The following CNBD1 variants were observed in gnomAD, a reference collection of about 807,000 sequenced individuals.
The protein encoded by CNBD1 is cyclic nucleotide-binding domain-containing protein 1.
A neutral mutation model predicts 54.4 loss-of-function variants in CNBD1; 71 were observed. The observed-to-expected ratio is 1.30, with a 90% CI of 1.08 to 1.59. The LOEUF (loss-of-function observed/expected upper bound fraction) is 1.59, where lower values mean the gene tolerates loss of function less well. Ranked by LOEUF, CNBD1 falls within the 40% of genes most tolerant of loss-of-function variation. The pLI is 0.00. For missense variants in CNBD1, 659 were observed against 518.0 expected, an observed-to-expected ratio of 1.27 and a Z score of -2.64; for synonymous variants, 182 against 170.7, an observed-to-expected ratio of 1.07 and a Z score of -0.51.
intron 2 of CNBD1, among the ~76,000 whole-genome samples, chr8:86,904,613 A>C (rs1005056210): frequency 2.0e-5 from 3 of 152,084 alleles, no homozygotes; most frequent in Admixed American, 2.0e-4. Flanking sequence ...CAGTGATCTG[A>C]ATTTGGAAAA....
chr8:87,342,127 G>T (rs867699295), intron 8 of CNBD1, among the ~76,000 whole-genome samples: 1 of 152,060 alleles, frequency 6.6e-6, no homozygotes, highest in Non-Finnish European at 1.5e-5. Context: ...CAAAAAATTA[G>T]CCGGGCATGG....
chr8:86,958,338 C>T (rs1050863581), intron 4 of CNBD1, among the ~76,000 whole-genome samples: 6 of 152,298 alleles, frequency 3.9e-5, no homozygotes, highest in African/African-American at 1.4e-4. Flanking sequence ...CTGTAGGTGT[C>T]TATTAGGTCC....
intron 5 of CNBD1, among the ~76,000 whole-genome samples, chr8:87,221,738 A>G (rs1814343993): frequency 6.6e-6 from 1 of 152,144 alleles, no homozygotes; most frequent in Non-Finnish European, 1.5e-5. Context: ...CAATATTTGA[A>G]GGCTATTTCA....
chr8:86,952,770 T>C (rs546538642), intron 4 of CNBD1, among the ~76,000 whole-genome samples: 38 of 152,286 alleles, frequency 2.5e-4, no homozygotes, highest in African/African-American at 8.9e-4. Context: ...TTGACACGTG[T>C]AAATCTGTGG....
chr8:87,369,768 C>A (rs1184776220), intron 10 of CNBD1, among the ~76,000 whole-genome samples: 1 of 151,724 alleles, frequency 6.6e-6, no homozygotes, highest in Non-Finnish European at 1.5e-5. Flanking sequence ...GGTACATGTG[C>A]ACAATGTGCC....
At chr8:86,942,137 T>C (rs907834640) in intron 4 of CNBD1, among the ~76,000 whole-genome samples, 2 of 152,222 alleles carry the variant, frequency 1.3e-5, no homozygotes, top group Non-Finnish European at 2.9e-5. Flanking sequence ...TGTGATTTAA[T>C]CCTCACATCA....
intron 4 of CNBD1, among the ~76,000 whole-genome samples, chr8:87,130,063 G>C (rs929878959): frequency 6.6e-6 from 1 of 152,044 alleles, no homozygotes; most frequent in Non-Finnish European, 1.5e-5. Context: ...ACTATCATGA[G>C]AGCAGCACAG....
chr8:86,878,650 G>T (rs1808561498), intron 1 of CNBD1, among the ~76,000 whole-genome samples: 2 of 152,000 alleles, frequency 1.3e-5, no homozygotes. Context: ...ACTGGTTCAA[G>T]GATATCCCCT....
chr8:87,364,225 C>G (rs1810589272), intron 10 of CNBD1, among the ~76,000 whole-genome samples: 1 of 150,762 alleles, frequency 6.6e-6, no homozygotes, highest in South Asian at 2.1e-4. Flanking sequence ...TTATAAGTAT[C>G]TATATATATG....
In CNBD1 at chr8:86,939,730, A is replaced by C; in HGVS notation, c.407A>C (p.Glu136Ala). 4 of 1,575,130 alleles carry C rather than the reference A, an allele frequency of 2.5e-6. No homozygotes were observed. Among genetic ancestry groups the C allele is most frequent in the Non-Finnish European group, 3.5e-6 (4 of 1,158,426 alleles). ...RPKRATEKFE[E>A]FLAILKKLPI... ...AAAAGAGCCACAGAGAAATTTGAAG[A>C]ATTCCTAGCTATCTTAAAGAAATTG... Residue 136 changes from glutamate (E) to alanine (A), a missense_variant, in exon 4 of 11, where the codon GAA (glutamate) becomes GCA (alanine). Transcript: ENST00000518476.
intron 5 of CNBD1, among the ~76,000 whole-genome samples, chr8:87,232,104 A>G (rs1312312603): frequency 1.3e-5 from 2 of 152,184 alleles, no homozygotes; most frequent in Non-Finnish European, 2.9e-5. Flanking sequence ...ATGAATCAAT[A>G]GTTCATTCCT....
At chr8:87,092,344 A>AGTGTGTGT (rs113453662) in intron 4 of CNBD1, among the ~76,000 whole-genome samples, 2 of 143,118 alleles carry the variant, frequency 1.4e-5, no homozygotes, top group Admixed American at 7.0e-5. Flanking sequence ...ATACTGGCTC[A>AGTGTGTGT]GTGTGTGTGT....
chr8:87,011,702 TTTC>T (rs1215647712), intron 4 of CNBD1, among the ~76,000 whole-genome samples: 27 of 152,136 alleles, frequency 1.8e-4, no homozygotes, highest in African/African-American at 6.5e-4. Flanking sequence ...AAGAACACAT[TTTC>T]TTCTTTTCTA....
At chr8:87,118,692 G>A (rs570903254) in intron 4 of CNBD1, among the ~76,000 whole-genome samples, 1 of 152,094 alleles carries the variant, frequency 6.6e-6, no homozygotes, top group African/African-American at 2.4e-5. Flanking sequence ...TCAAATGAAC[G>A]TTCGTTATAT....
rs771338208 is a variant in CNBD1 at position 87,257,369 on chromosome 8, C to CAAAAAAA, written c.771+20267_771+20273dup. On this transcript the variant is annotated intron_variant, in intron 6 of 10. Coordinates refer to ENST00000518476, the MANE Select transcript of CNBD1 (RefSeq NM_173538.3). ...GGGCAACAAGAGCAAAACTCTATCGCAAAAAAAAAAAAAAAAGGAAATGAC... is the reference window on the plus strand; with the variant it reads ...GGGCAACAAGAGCAAAACTCTATCGCAAAAAAAAAAAAAAAAAAAAAAAGGAAATGAC... Among the ~76,000 whole-genome samples the CAAAAAAA allele has an allele frequency of 2.7e-3, 184 of 67,522 alleles. 3 individuals carry two copies. Among genetic ancestry groups the CAAAAAAA allele is most frequent in the African/African-American group, 9.7e-3 (174 of 17,996 alleles). The allele number at this position is 67,522 out of a possible 152,430, so 44.3% of individuals were successfully genotyped here.
intron 10 of CNBD1, among the ~76,000 whole-genome samples, chr8:87,371,177 G>T (rs1044059781): frequency 1.3e-5 from 2 of 151,842 alleles, no homozygotes; most frequent in African/African-American, 4.9e-5. Context: ...CTCCAGTTTT[G>T]TTCTTTCGGC....
At chr8:87,153,599 C>T (rs115426472) in intron 4 of CNBD1, among the ~76,000 whole-genome samples, 2,579 of 152,142 alleles carry the variant, frequency 0.017, 74 homozygotes, top group African/African-American at 0.059. Flanking sequence ...ATAAATGTCA[C>T]GAAATTTCAA....
intron 2 of CNBD1, among the ~76,000 whole-genome samples, chr8:87,424,582 G>T (rs189139956): frequency 2.6e-5 from 4 of 152,112 alleles, no homozygotes; most frequent in Admixed American, 2.6e-4. Flanking sequence ...GTAGTTGCGC[G>T]TTTTTGCTGA....
At chr8:87,282,931 G>A (rs4960936) in intron 6 of CNBD1, among the ~76,000 whole-genome samples, 55,261 of 151,850 alleles carry the variant, frequency 0.36, 11,382 homozygotes, top group Non-Finnish European at 0.47. Context: ...GCATCTTTCA[G>A]TTTTGTGTGT....
Sources: gnomAD v4.1 joint callset for allele counts (sites outside exome capture counted in the v4.1 genomes callset) on GRCh38, gnomAD v4.1.1 for gene constraint, MANE v1.5 for transcripts, NCBI Gene and HGNC (gene_info 2026-07-23, HGNC 2026-07-21) for gene names.